PEAK1: variants seen among roughly 807,000 people sequenced by gnomAD.
PEAK1 encodes inactive tyrosine-protein kinase PEAK1.
In PEAK1, 54 loss-of-function variants were observed where a neutral mutation model predicts 124.7. The ratio of observed to expected loss-of-function variants is 0.43; its 90% CI spans 0.35 to 0.54. The LOEUF (loss-of-function observed/expected upper bound fraction) is 0.54. Ranked by LOEUF, PEAK1 falls within the 20% of genes least tolerant of loss-of-function variation. The pLI, the probability that PEAK1 is intolerant of heterozygous loss-of-function variation, is 0.01. For synonymous variants in PEAK1, 719 were observed against 760.0 expected (o/e 0.95, Z 0.89); for missense variants, 2,046 against 2,134.5 (o/e 0.96, Z 0.82).
chr15:77,213,308 T>C (rs760814703), intron 6 of PEAK1, among the ~76,000 whole-genome samples: 3 of 152,134 alleles, frequency 2.0e-5, no homozygotes, highest in Non-Finnish European at 2.9e-5. Flanking sequence ...CAGAAAATGA[T>C]AATTAGGACC....
chr15:77,248,804 T>G (rs1245520985), intron 6 of PEAK1, among the ~76,000 whole-genome samples: 1 of 92,388 alleles, frequency 1.1e-5, no homozygotes, highest in African/African-American at 3.1e-5. Context: ...CTACTATATT[T>G]TATTTTATTT....
chr15:77,374,690 C>G (rs1345470749), intron 1 of PEAK1, among the ~76,000 whole-genome samples: 1 of 151,976 alleles, frequency 6.6e-6, no homozygotes, highest in Non-Finnish European at 1.5e-5. Context: ...GAAAAATTGT[C>G]TTTTATTCAT....
intron 5 of PEAK1, among the ~76,000 whole-genome samples, chr15:77,267,661 G>A (rs1254848600): frequency 6.6e-6 from 1 of 152,158 alleles, no homozygotes; most frequent in East Asian, 1.9e-4. Context: ...TATGGGAAAG[G>A]GAAGAGCACC....
intron 9 of PEAK1, among the ~76,000 whole-genome samples, chr15:77,123,957 A>G (rs1421466280): frequency 6.6e-6 from 1 of 152,186 alleles, no homozygotes; most frequent in East Asian, 1.9e-4. Context: ...TATTGTTTGG[A>G]AATCAATTTG....
At chr15:77,206,169 T>A (rs1287614992) in intron 6 of PEAK1, among the ~76,000 whole-genome samples, 1 of 128,332 alleles carries the variant, frequency 7.8e-6, no homozygotes, top group Non-Finnish European at 1.6e-5. Context: ...TCATTTTTTA[T>A]GGCTGCATAG....
At chr15:77,139,648 T>C (rs1339577765) in intron 8 of PEAK1, among the ~76,000 whole-genome samples, 3 of 152,182 alleles carry the variant, frequency 2.0e-5, no homozygotes, top group African/African-American at 7.2e-5. Context: ...CCATTTCCCA[T>C]GCACACTACT....
intron 2 of PEAK1, among the ~76,000 whole-genome samples, chr15:77,325,643 C>G (rs1247518705): frequency 1.3e-5 from 2 of 151,892 alleles, no homozygotes; most frequent in Non-Finnish European, 2.9e-5. Flanking sequence ...TGCTACCTTT[C>G]TATTTTGGAA....
intron 1 of PEAK1, among the ~76,000 whole-genome samples, chr15:77,373,855 G>A (rs1298852341): frequency 6.6e-6 from 1 of 152,146 alleles, no homozygotes; most frequent in Non-Finnish European, 1.5e-5. Flanking sequence ...CAGGGTCAAT[G>A]GGCATGCTGT....
chr15:77,360,449 G>C (rs191671508), intron 2 of PEAK1, among the ~76,000 whole-genome samples: 32 of 152,272 alleles, frequency 2.1e-4, no homozygotes, highest in Non-Finnish European at 1.5e-5. Flanking sequence ...GAAAATATTT[G>C]TAAATCATTT....
At chr15:77,135,593 C>A (rs1313150193) in intron 8 of PEAK1, among the ~76,000 whole-genome samples, 1 of 152,180 alleles carries the variant, frequency 6.6e-6, no homozygotes, top group Non-Finnish European at 1.5e-5. Flanking sequence ...TGTCCCCACC[C>A]AAATCTCATC....
chr15:77,297,914 C>T (rs1370718705), intron 2 of PEAK1, among the ~76,000 whole-genome samples: 5 of 147,350 alleles, frequency 3.4e-5, no homozygotes, highest in Non-Finnish European at 6.0e-5. Flanking sequence ...AAAAATTAGC[C>T]GGGCTTGGTG....
Position 77,256,422 on chromosome 15 carries a change from AT to A in PEAK1, c.-274-3897del, listed in dbSNP as rs2061137475. On this transcript the variant is annotated intron_variant, in intron 5 of 9. Coordinates refer to ENST00000682557, the MANE Select transcript of PEAK1 (RefSeq NM_001385026.1). ...AATAGTTTCAGGTAAAAAAAAAAAA[AT>A]CATATAGAATGGAAATACAATGGTC... is the stretch of plus-strand genomic sequence containing the variant. 3.9e-5 allele frequency among the ~76,000 whole-genome samples: 6 copies of A among 151,974 alleles called. 1 individual carries two copies. Among genetic ancestry groups the A allele is most frequent in the Admixed American group, 3.9e-4 (6 of 15,242 alleles).
chr15:77,215,018 T>C (rs575095404), intron 6 of PEAK1, among the ~76,000 whole-genome samples: 1 of 152,322 alleles, frequency 6.6e-6, no homozygotes, highest in Admixed American at 6.5e-5. Flanking sequence ...TATATGGTAT[T>C]ACCATATTGG....
chr15:77,155,299 C>G (rs982175330), intron 8 of PEAK1: 9 of 152,324 alleles, frequency 5.9e-5, no homozygotes, highest in African/African-American at 2.2e-4. Flanking sequence ...CGTCTGCATT[C>G]TTCACATAGT....
At chr15:77,354,716 C>T (rs2067401963) in intron 2 of PEAK1, among the ~76,000 whole-genome samples, 2 of 152,100 alleles carry the variant, frequency 1.3e-5, no homozygotes, top group South Asian at 2.1e-4. Context: ...ATACTAAGTA[C>T]GTTTTTGTCC....
chr15:77,205,274 T>A (rs547832005), intron 6 of PEAK1, among the ~76,000 whole-genome samples: 1,583 of 148,194 alleles, frequency 0.011, 15 homozygotes, highest in Middle Eastern at 0.017. Flanking sequence ...ATGCCTTTTT[T>A]TAAAAAAAAA....
intron 1 of PEAK1, among the ~76,000 whole-genome samples, chr15:77,383,351 G>A (rs952032848): frequency 7.2e-5 from 11 of 152,062 alleles, no homozygotes; most frequent in Non-Finnish European, 1.0e-4. Context: ...TTTAAATAGA[G>A]AAGAATATCC....
At chr15:77,396,951 A>G (rs764479535) in intron 1 of PEAK1, among the ~76,000 whole-genome samples, 1 of 152,226 alleles carries the variant, frequency 6.6e-6, no homozygotes, top group African/African-American at 2.4e-5. Context: ...TCACTTCTGT[A>G]ACAAATGGAC....
intron 6 of PEAK1, among the ~76,000 whole-genome samples, chr15:77,243,974 A>C (rs900982981): frequency 1.5e-5 from 2 of 135,892 alleles, no homozygotes; most frequent in African/African-American, 5.5e-5. Flanking sequence ...TTCTCAAAAT[A>C]AAAAAAAAAA....
Sources: gnomAD v4.1 joint callset for allele counts (sites outside exome capture counted in the v4.1 genomes callset) on GRCh38, gnomAD v4.1.1 for gene constraint, MANE v1.5 for transcripts, NCBI Gene and HGNC (gene_info 2026-07-23, HGNC 2026-07-21) for gene names.